Variants in MME observed in about 807,000 individuals in gnomAD.
The protein encoded by MME is neprilysin.
Under a neutral mutation model 113.2 loss-of-function variants are expected in MME, and 98 were observed. That is an observed-to-expected ratio of 0.87 (90% CI 0.74 to 1.02). MME has a LOEUF of 1.02. Ranked by LOEUF, MME falls within the 50% of genes least tolerant of loss-of-function variation. The pLI is 0.00. For missense variants in MME, 836 were observed against 896.0 expected, an observed-to-expected ratio of 0.93 and a Z score of 0.86; for synonymous variants, 292 against 300.6, an observed-to-expected ratio of 0.97 and a Z score of 0.30.
At chr3:155,109,952 T>C (rs1024258020) in intron 3 of MME, among the ~76,000 whole-genome samples, 2 of 152,226 alleles carry the variant, frequency 1.3e-5, no homozygotes, top group Admixed American at 1.3e-4. Flanking sequence ...TAGCGTGGCC[T>C]CCATGCCACT....
At position 155,181,863 on chromosome 3, in the gene MME, C is replaced by T. The variant is rs201928144; in HGVS notation, c.*1404C>T. 2 of 152,082 alleles carry T rather than the reference C, an allele frequency of 1.3e-5. No homozygotes were observed. The highest frequency in any genetic ancestry group is 2.9e-5 in the Non-Finnish European group (2 of 68,022). The allele number at this position is 152,082 out of a possible 1,614,324, so 9.4% of individuals were successfully genotyped here. On this transcript the variant is annotated 3_prime_UTR_variant, in exon 23 of 23. Transcript: ENST00000360490. Reference sequence around the variant, plus strand: ...AACAAAAGATGAAAGCAGGGAATTTCTATCTAAATGATGAGTATTAGTTCC... The same window carrying T: ...AACAAAAGATGAAAGCAGGGAATTTTTATCTAAATGATGAGTATTAGTTCC...
At chr3:155,102,689 G>T (rs924472444) in intron 3 of MME, among the ~76,000 whole-genome samples, 2 of 152,226 alleles carry the variant, frequency 1.3e-5, no homozygotes, top group East Asian at 3.9e-4. Flanking sequence ...CATGATGAGG[G>T]CTTCTAGGGC....
intron 7 of MME, among the ~76,000 whole-genome samples, chr3:155,117,445 A>G (rs1718715910): frequency 6.6e-6 from 1 of 152,166 alleles, no homozygotes. Flanking sequence ...TTCTCAACTA[A>G]AGGTAAATAA....
chr3:155,034,697 CA>C (rs1354374280), intron 1 of MME, among the ~76,000 whole-genome samples: 6 of 152,238 alleles, frequency 3.9e-5, no homozygotes, highest in African/African-American at 1.4e-4. Flanking sequence ...AAATATCTAG[CA>C]GTCATTACTC....
At chr3:155,167,863 C>T (rs922722360) in intron 18 of MME, among the ~76,000 whole-genome samples, 1 of 152,114 alleles carries the variant, frequency 6.6e-6, no homozygotes, top group Non-Finnish European at 1.5e-5. Context: ...ACTGGTAGAA[C>T]CAGAAGGTGA....
At chr3:155,059,947 A>G (rs931220948) in intron 1 of MME, among the ~76,000 whole-genome samples, 2 of 152,214 alleles carry the variant, frequency 1.3e-5, no homozygotes, top group African/African-American at 4.8e-5. Context: ...GTTGCTGAGT[A>G]GATTTTGTTG....
intron 2 of MME, among the ~76,000 whole-genome samples, chr3:155,084,843 C>T (rs1396563346): frequency 1.3e-5 from 2 of 152,098 alleles, no homozygotes; most frequent in African/African-American, 2.4e-5. Flanking sequence ...TATAATAACA[C>T]ATTTTTCTTC....
In MME at chr3:155,145,152, T is replaced by C. The variant is rs146238142; in HGVS notation, c.1416+695T>C. 6.4e-3 allele frequency among the ~76,000 whole-genome samples: 972 copies of C among 152,318 alleles called. 7 individuals carry two copies. The highest frequency in any genetic ancestry group is 0.021 in the African/African-American group (886 of 41,576). On this transcript the variant is annotated intron_variant, in intron 14 of 22. Coordinates refer to ENST00000360490, the MANE Select transcript of MME (RefSeq NM_007289.4). ...CTGAGTGGGTTAGGCCTAGAACCTC[T>C]GCCCCCAGTATTGCTATCTTTCCAT...
In MME at chr3:155,121,578, T is replaced by G. The variant is rs1179951748; in HGVS notation, c.720+2767T>G. ...TTGTCATAGATAGCTCTTATTATTT[T>G]GAAATACGTCCCATCAATACCTAAT... On this transcript the variant is annotated intron_variant, in intron 8 of 22. Transcript: ENST00000360490. Among the ~76,000 whole-genome samples the G allele has an allele frequency of 1.6e-3, 179 of 113,966 alleles. 2 individuals carry two copies. Among genetic ancestry groups the G allele is most frequent in the South Asian group, 6.8e-3 (16 of 2,350 alleles). 74.8% of individuals were successfully genotyped at this position (113,966 alleles called of 152,430 possible).
At chr3:155,052,333 G>A (rs1713791084) in intron 1 of MME, among the ~76,000 whole-genome samples, 1 of 152,206 alleles carries the variant, frequency 6.6e-6, no homozygotes, top group African/African-American at 2.4e-5. Flanking sequence ...CTTTCTGTGG[G>A]AGCTCCAACC....
In MME at chr3:155,026,043, A is replaced by G. The variant is rs535539737; in HGVS notation, c.-11+1719A>G. ...AAAAAGCCAAACACAGAAAGAAAGT[A>G]CAGATTCTGCCCCTCTTTTGCCAGT... is the stretch of plus-strand genomic sequence containing the variant. On this transcript the variant is annotated intron_variant, in intron 1 of 22. Coordinates refer to the MME transcript ENST00000492661. Among the ~76,000 whole-genome samples the G allele has an allele frequency of 7.9e-5, 12 of 152,258 alleles. No homozygotes were observed. In the South Asian group the frequency reaches 2.5e-3, roughly 32 times the overall value.
chr3:155,039,665 GT>G (rs1315992845), intron 1 of MME, among the ~76,000 whole-genome samples: 1 of 152,060 alleles, frequency 6.6e-6, no homozygotes, highest in African/African-American at 2.4e-5. Flanking sequence ...CTGCAATTAT[GT>G]AAGAGAATTC....
At chr3:155,118,014 G>A (rs757364784) in intron 7 of MME, among the ~76,000 whole-genome samples, 1 of 152,146 alleles carries the variant, frequency 6.6e-6, no homozygotes, top group Non-Finnish European at 1.5e-5. Flanking sequence ...AGTATGCCCA[G>A]ATAGCTCCCA....
At chr3:155,173,942 TATC>T (rs1046213714) in intron 22 of MME, among the ~76,000 whole-genome samples, 1 of 152,088 alleles carries the variant, frequency 6.6e-6, no homozygotes, top group African/African-American at 2.4e-5. Flanking sequence ...AGGATTAAAT[TATC>T]ATGAGAGTTG....
chr3:155,157,962 C>T lies in MME; in HGVS notation c.1602-2428C>T, dbSNP rs575027650. Among the ~76,000 whole-genome samples, 11 of 152,168 alleles carry T rather than the reference C, an allele frequency of 7.2e-5. No individual in the cohort carries two copies. In the East Asian group the frequency reaches 1.4e-3, roughly 19 times the overall value. On this transcript the variant is annotated intron_variant, in intron 16 of 22. Transcript: ENST00000360490. Reference sequence around the variant, plus strand: ...CATAAATCAAAATGCAGTCTTAAAGCCCTCAATGTAATGTAACAGAAGAGC... The same window carrying T: ...CATAAATCAAAATGCAGTCTTAAAGTCCTCAATGTAATGTAACAGAAGAGC...
intron 3 of MME, among the ~76,000 whole-genome samples, chr3:155,105,521 A>G (rs1244987229): frequency 2.0e-5 from 3 of 152,178 alleles, no homozygotes; most frequent in African/African-American, 7.2e-5. Context: ...ATTTTCTTAA[A>G]ATAGGAGTAA....
intron 2 of MME, 121 bp from the exon 3 acceptor site, chr3:155,084,938 T>C (rs1052573705): frequency 3.1e-6 from 2 of 639,464 alleles, no homozygotes; most frequent in Non-Finnish European, 5.5e-6. Flanking sequence ...TAATGTTCAG[T>C]TTTTAGTTCT....
At chr3:155,112,291 A>T (rs2108244211) in intron 3 of MME, 1 of 152,340 alleles carries the variant, frequency 6.6e-6, no homozygotes, top group South Asian at 2.1e-4. Flanking sequence ...GGGCTTTGAA[A>T]ATGCCTGAAA....
chr3:155,056,902 G>T (rs1713949165), intron 1 of MME, among the ~76,000 whole-genome samples: 1 of 152,154 alleles, frequency 6.6e-6, no homozygotes, highest in Non-Finnish European at 1.5e-5. Context: ...TATGTAGAAA[G>T]CTGAAACTGG....
Sources: allele counts gnomAD v4.1 joint callset (sites outside exome capture counted in the v4.1 genomes callset), GRCh38; gene constraint gnomAD v4.1.1; transcripts MANE v1.5; gene names NCBI Gene and HGNC (gene_info 2026-07-23, HGNC 2026-07-21).